DAB1: variants seen among roughly 807,000 people sequenced by gnomAD.
The protein encoded by DAB1 is disabled homolog 1.
Under a neutral mutation model 64.6 loss-of-function variants are expected in DAB1, and 15 were observed. The ratio of observed to expected loss-of-function variants is 0.23; its 90% CI spans 0.16 to 0.36. The LOEUF is 0.36. Ranked by LOEUF, DAB1 falls within the 10% of genes least tolerant of loss-of-function variation. DAB1 has a pLI of 1.00. For missense variants in DAB1, 596 were observed against 706.7 expected (o/e 0.84, Z 1.78); for synonymous variants, 235 against 251.9 (o/e 0.93, Z 0.64).
At chr1:57,226,675 AT>A (rs1553158277) in intron 2 of DAB1, among the ~76,000 whole-genome samples, 2,361 of 125,698 alleles carry the variant, frequency 0.019, 54 homozygotes, top group East Asian at 0.13. Context: ...AAAAAAAAAT[AT>A]ATATATATAT....
chr1:57,161,541 C>G (rs1660748982), intron 2 of DAB1, among the ~76,000 whole-genome samples: 1 of 152,192 alleles, frequency 6.6e-6, no homozygotes, highest in Non-Finnish European at 1.5e-5. Flanking sequence ...CACATAATAA[C>G]AGGTACCAGG....
chr1:57,343,486 C>T (rs2161808), intron 1 of DAB1, among the ~76,000 whole-genome samples: 77,520 of 151,962 alleles, frequency 0.51, 20,513 homozygotes, highest in Non-Finnish European at 0.56. Flanking sequence ...TGGGACTAGG[C>T]GCCATGGAGC....
chr1:57,826,560 A>G (rs1652359965), intron 1 of DAB1: 1 of 152,266 alleles, frequency 6.6e-6, no homozygotes, highest in Non-Finnish European at 1.5e-5. Context: ...TCTGTGCACC[A>G]TGGATGGAAC....
Position 57,549,708 on chromosome 1 carries a change from T to C in DAB1, n.625+99884A>G, listed in dbSNP as rs368442059. On this transcript the variant is annotated intron_variant and non_coding_transcript_variant, in intron 7 of 20. Transcript: ENST00000485760. ...ACATTGGGTTGTGCAACAGGACAGATAATAGACCTTATTCAGGTCAGCATG... is the reference window on the plus strand; with the variant it reads ...ACATTGGGTTGTGCAACAGGACAGACAATAGACCTTATTCAGGTCAGCATG... Among the ~76,000 whole-genome samples the C allele has an allele frequency of 1.9e-4, 29 of 152,332 alleles. No individual in the cohort carries two copies. In the South Asian group the frequency reaches 6.0e-3, roughly 32 times the overall value.
At position 56,997,466 on chromosome 1, in the gene DAB1, C is replaced by T. The variant is rs1430611248; in HGVS notation, c.*678G>A. The T allele has an allele frequency of 1.3e-5, 2 of 152,130 alleles. No homozygotes were observed. The highest frequency in any genetic ancestry group is 2.9e-5 in the Non-Finnish European group (2 of 68,028). The allele number at this position is 152,130 out of a possible 1,614,324, so 9.4% of individuals were successfully genotyped here. ...TGTAATTTCAAGTTAATTCATTTCA[C>T]TGAGGCTTTTTTTCTCCCCAGTTAG... On this transcript the variant is annotated 3_prime_UTR_variant, in exon 15 of 15. Coordinates refer to ENST00000371236, the MANE Select transcript of DAB1 (RefSeq NM_001365792.1).
intron 6 of DAB1, among the ~76,000 whole-genome samples, chr1:57,675,187 C>A (rs1646551738): frequency 6.6e-6 from 1 of 152,198 alleles, no homozygotes; most frequent in Non-Finnish European, 1.5e-5. Context: ...CAAACTTTGG[C>A]ATGTCAATAC....
chr1:57,586,266 C>T (rs1234819694), intron 7 of DAB1, among the ~76,000 whole-genome samples: 1 of 152,124 alleles, frequency 6.6e-6, no homozygotes, highest in Non-Finnish European at 1.5e-5. Flanking sequence ...ACTACCTCCT[C>T]TTCTTCCCTT....
intron 5 of DAB1, among the ~76,000 whole-genome samples, chr1:58,101,371 TG>T (rs1651311051): frequency 6.6e-6 from 1 of 151,950 alleles, no homozygotes; most frequent in African/African-American, 2.4e-5. Context: ...AGCCTGTCAC[TG>T]GGGTCAGTTG....
chr1:57,572,295 A>G (rs1221971103), intron 7 of DAB1, among the ~76,000 whole-genome samples: 1 of 152,156 alleles, frequency 6.6e-6, no homozygotes, highest in African/African-American at 2.4e-5. Context: ...GATCTTGAGC[A>G]TGTCATTAAC....
At chr1:57,671,098 T>C (rs1044903810) in intron 6 of DAB1, among the ~76,000 whole-genome samples, 5 of 152,276 alleles carry the variant, frequency 3.3e-5, no homozygotes, top group East Asian at 1.9e-4. Context: ...GAATTTTTTT[T>C]CCCCTGAATA....
intron 7 of DAB1, among the ~76,000 whole-genome samples, chr1:57,546,098 T>TGCGC (rs1245256323): frequency 2.9e-5 from 4 of 139,622 alleles, no homozygotes; most frequent in Non-Finnish European, 4.6e-5. Context: ...TGTGTGTGTG[T>TGCGC]GCGCGCACGT....
chr1:58,374,480 A>C (rs1309260012), intron 3 of DAB1, among the ~76,000 whole-genome samples: 2 of 151,814 alleles, frequency 1.3e-5, no homozygotes, highest in Non-Finnish European at 2.9e-5. Flanking sequence ...GTCAAAGATC[A>C]CATAGTTGTA....
chr1:58,060,438 T>C (rs973282805), intron 5 of DAB1: 2 of 152,240 alleles, frequency 1.3e-5, no homozygotes, highest in Non-Finnish European at 2.9e-5. Context: ...TTCCTTCTTC[T>C]TACTGTATGA....
chr1:57,245,119 G>C (rs1021137840), intron 2 of DAB1, among the ~76,000 whole-genome samples: 1 of 152,202 alleles, frequency 6.6e-6, no homozygotes, highest in South Asian at 2.1e-4. Flanking sequence ...ATGAAGTCCA[G>C]GCTGAGGTGG....
rs17115552 is a variant in DAB1, at chr1:57,293,723, T to G, written c.-136-2557A>C. On this transcript the variant is annotated intron_variant, in intron 1 of 14. Transcript: ENST00000371236. ...CACAGTAGGTACCTAATCTATAAATTCAGAAAGTAGCTGAAATATATGGAT... is the reference window on the plus strand; with the variant it reads ...CACAGTAGGTACCTAATCTATAAATGCAGAAAGTAGCTGAAATATATGGAT... 6.0e-3 allele frequency among the ~76,000 whole-genome samples: 917 copies of G among 152,228 alleles called. 13 individuals carry two copies. Among genetic ancestry groups the G allele is most frequent in the African/African-American group, 0.021 (878 of 41,550 alleles).
chr1:58,081,021 T>G (rs916573363), intron 5 of DAB1, among the ~76,000 whole-genome samples: 4 of 152,214 alleles, frequency 2.6e-5, no homozygotes, highest in African/African-American at 9.7e-5. Context: ...CTCCAAAGCC[T>G]ATGCTCTTAT....
At chr1:57,477,596 G>A (rs1308064923) in intron 7 of DAB1, among the ~76,000 whole-genome samples, 1 of 152,130 alleles carries the variant, frequency 6.6e-6, no homozygotes, top group Non-Finnish European at 1.5e-5. Context: ...GATTAGAGAT[G>A]AGGCTGATAA....
At chr1:57,997,549 T>C (rs748267203) in intron 5 of DAB1, among the ~76,000 whole-genome samples, 1 of 152,130 alleles carries the variant, frequency 6.6e-6, no homozygotes, top group Non-Finnish European at 1.5e-5. Context: ...GAGGCAAGGT[T>C]TGAGGTTGCT....
intron 9 of DAB1, among the ~76,000 whole-genome samples, chr1:57,034,941 T>A (rs1365897712): frequency 1.3e-5 from 2 of 152,164 alleles, no homozygotes; most frequent in Non-Finnish European, 1.5e-5. Flanking sequence ...AGTGGAAGAA[T>A]CAATGTGCCC....
Sources: gnomAD v4.1 joint callset for allele counts (sites outside exome capture counted in the v4.1 genomes callset) on GRCh38, gnomAD v4.1.1 for gene constraint, MANE v1.5 for transcripts, NCBI Gene and HGNC (gene_info 2026-07-23, HGNC 2026-07-21) for gene names.